MVB12B: variants seen among roughly 807,000 people sequenced by gnomAD.
MVB12B encodes multivesicular body subunit 12B.
MVB12B carries 16 observed loss-of-function variants against 41.6 expected under a neutral mutation model. The ratio of observed to expected loss-of-function variants is 0.38; its 90% CI spans 0.26 to 0.58. The LOEUF is 0.58. MVB12B is among the 20% of genes least tolerant of loss of function. The pLI is 0.62. For missense variants in MVB12B, 274 were observed against 380.2 expected, an observed-to-expected ratio of 0.72 and a Z score of 2.32; for synonymous variants, 133 against 139.7, an observed-to-expected ratio of 0.95 and a Z score of 0.34.
intron 9 of MVB12B, among the ~76,000 whole-genome samples, chr9:126,485,626 G>A (rs1833603542): frequency 1.5e-5 from 2 of 130,556 alleles, no homozygotes; most frequent in South Asian, 2.9e-4. Context: ...ATGAGGTCAG[G>A]GTACCGTCCA....
chr9:126,490,305 C>A (rs376876862), intron 9 of MVB12B, among the ~76,000 whole-genome samples: 2 of 152,174 alleles, frequency 1.3e-5, no homozygotes, highest in Non-Finnish European at 2.9e-5. Context: ...CCCTGGCATC[C>A]GTGGAAGACC....
chr9:126,461,475 G>T (rs1478776217), intron 7 of MVB12B, among the ~76,000 whole-genome samples: 1 of 152,162 alleles, frequency 6.6e-6, no homozygotes, highest in Non-Finnish European at 1.5e-5. Context: ...CCTATCTCAA[G>T]GCTTGAAAGA....
chr9:126,430,849 A>G (rs1434885071), intron 7 of MVB12B, among the ~76,000 whole-genome samples: 1 of 152,242 alleles, frequency 6.6e-6, no homozygotes, highest in East Asian at 1.9e-4. Flanking sequence ...GAACTGTACA[A>G]GGACCCTGCA....
At chr9:126,397,898 G>T (rs1303955874) in intron 6 of MVB12B, among the ~76,000 whole-genome samples, 1 of 152,122 alleles carries the variant, frequency 6.6e-6, no homozygotes, top group Admixed American at 6.5e-5. Flanking sequence ...CTCTGGTGGG[G>T]AGCAGTGGCT....
intron 2 of MVB12B, among the ~76,000 whole-genome samples, chr9:126,346,893 ATGG>A (rs1365092513): frequency 1.3e-5 from 2 of 152,186 alleles, no homozygotes; most frequent in African/African-American, 2.4e-5. Flanking sequence ...ATGCAAGGAG[ATGG>A]TTGTGAACTT....
intron 6 of MVB12B, among the ~76,000 whole-genome samples, chr9:126,417,367 A>G (rs577392383): frequency 1.3e-5 from 2 of 152,346 alleles, no homozygotes; most frequent in African/African-American, 4.8e-5. Flanking sequence ...TGTCTATCAT[A>G]TATGAACAGA....
At chr9:126,463,335 AG>A (rs1208229971) in intron 7 of MVB12B, among the ~76,000 whole-genome samples, 10 of 152,166 alleles carry the variant, frequency 6.6e-5, no homozygotes, top group Non-Finnish European at 1.3e-4. Flanking sequence ...TAGCTATGTG[AG>A]GGGTAGGAAA....
At chr9:126,416,790 G>A (rs1831839507) in intron 6 of MVB12B, among the ~76,000 whole-genome samples, 1 of 152,176 alleles carries the variant, frequency 6.6e-6, no homozygotes, top group Non-Finnish European at 1.5e-5. Flanking sequence ...GAGGCCGGGT[G>A]ATATATTGAG....
intron 9 of MVB12B, among the ~76,000 whole-genome samples, chr9:126,501,619 CTG>C (rs1833960240): frequency 6.6e-6 from 1 of 152,202 alleles, no homozygotes; most frequent in Non-Finnish European, 1.5e-5. Context: ...TGGCGCTAGT[CTG>C]TGGCCATGGA....
chr9:126,454,206 CAT>C (rs895188849), intron 7 of MVB12B, among the ~76,000 whole-genome samples: 34 of 152,360 alleles, frequency 2.2e-4, no homozygotes, highest in African/African-American at 7.7e-4. Flanking sequence ...AGGTTTTACA[CAT>C]GTGTGAAAGG....
intron 6 of MVB12B, among the ~76,000 whole-genome samples, chr9:126,417,421 G>C (rs1389750525): frequency 1.3e-5 from 2 of 152,120 alleles, no homozygotes; most frequent in East Asian, 1.9e-4. Flanking sequence ...GGTTGCTGCT[G>C]CTGCTGATTT....
intron 9 of MVB12B, among the ~76,000 whole-genome samples, chr9:126,490,065 C>T (rs1321087155): frequency 2.0e-5 from 3 of 152,168 alleles, no homozygotes; most frequent in Admixed American, 1.3e-4. Context: ...TCGCAGCCAG[C>T]GCCCATGATG....
chr9:126,381,331 T>G (rs1275807881), intron 3 of MVB12B, among the ~76,000 whole-genome samples, 160 bp downstream of exon 3: 1 of 152,204 alleles, frequency 6.6e-6, no homozygotes, highest in Non-Finnish European at 1.5e-5. Context: ...CAGCACTGTG[T>G]TTCATTTATT....
At chr9:126,453,936 C>T (rs971228111) in intron 7 of MVB12B, among the ~76,000 whole-genome samples, 2 of 152,144 alleles carry the variant, frequency 1.3e-5, no homozygotes, top group Admixed American at 6.5e-5. Context: ...GGGCAAAAGA[C>T]AATGAGAGAG....
At chr9:126,335,944 G>A (rs1829261372) in intron 1 of MVB12B, among the ~76,000 whole-genome samples, 1 of 152,254 alleles carries the variant, frequency 6.6e-6, no homozygotes, top group Non-Finnish European at 1.5e-5. Context: ...CTCAAAAGTT[G>A]TATGCCAGTC....
In MVB12B at chr9:126,372,015, A is replaced by G. The variant is rs187012504; in HGVS notation, c.205-9049A>G. Among the ~76,000 whole-genome samples, 191 of 152,194 alleles carry G rather than the reference A, an allele frequency of 1.3e-3. 6 individuals carry two copies. The East Asian group carries it at 0.027, about 22-fold the overall frequency. On this transcript the variant is annotated intron_variant, in intron 2 of 9. Transcript: ENST00000361171. ...GTCATCACCTGCTAAAGAACGCTCC[A>G]CTCATTAGCCATTCTCTCCATCAAC...
chr9:126,400,345 A>C (rs998631902), intron 6 of MVB12B, among the ~76,000 whole-genome samples: 2 of 152,198 alleles, frequency 1.3e-5, no homozygotes, highest in Non-Finnish European at 2.9e-5. Flanking sequence ...CTTTAAAAAA[A>C]TCAGTAAAGA....
chr9:126,461,851 G>A, intron 7 of MVB12B, among the ~76,000 whole-genome samples: 1 of 85,822 alleles, frequency 1.2e-5, no homozygotes, highest in South Asian at 3.7e-4. Flanking sequence ...CGGTGCCCGT[G>A]GGGGTTGAGA....
intron 7 of MVB12B, among the ~76,000 whole-genome samples, chr9:126,442,299 G>A (rs887678014): frequency 4.4e-4 from 67 of 152,152 alleles, no homozygotes; most frequent in African/African-American, 1.5e-3. Flanking sequence ...ATCTTCTGGG[G>A]TTCTATCTAA....
Sources: gnomAD v4.1 joint callset for allele counts (sites outside exome capture counted in the v4.1 genomes callset) on GRCh38, gnomAD v4.1.1 for gene constraint, MANE v1.5 for transcripts, NCBI Gene and HGNC (gene_info 2026-07-23, HGNC 2026-07-21) for gene names.